The following FARSA variants were observed in gnomAD, a reference collection of about 807,000 sequenced individuals.
FARSA encodes phenylalanine--tRNA ligase alpha subunit.
In FARSA, 37 loss-of-function variants were observed where a neutral mutation model predicts 63.2. The ratio of observed to expected loss-of-function variants is 0.59; its 90% CI spans 0.45 to 0.77. FARSA has a LOEUF of 0.77. Ranked by LOEUF, FARSA falls within the 30% of genes least tolerant of loss-of-function variation. The pLI, the probability that FARSA is intolerant of heterozygous loss-of-function variation, is 0.00. For missense variants in FARSA, 618 were observed against 696.6 expected, an observed-to-expected ratio of 0.89 and a Z score of 1.27; for synonymous variants, 312 against 285.1, an observed-to-expected ratio of 1.09 and a Z score of -0.95.
rs779613429 is a variant in FARSA at position 12,922,893 on chromosome 19, G to C, written c.1389-7C>G. 1 of 1,614,018 alleles carries C rather than the reference G, an allele frequency of 6.2e-7. No homozygotes were observed. The highest frequency in any genetic ancestry group is 1.1e-5 in the South Asian group (1 of 91,072). On this transcript the variant is annotated splice_region_variant and splice_polypyrimidine_tract_variant and intron_variant, in intron 12 of 12. Coordinates refer to ENST00000314606, the MANE Select transcript of FARSA (RefSeq NM_004461.3). ...ATATTTGATCATCGTTGGGCTTGTG[G>C]GGGAGGGAACAGAGTTTATCATGAG...
At chr19:12,923,003 G>A in intron 12 of FARSA, 117 bp from the exon 13 acceptor site, 1 of 1,403,654 alleles carries the variant, frequency 7.1e-7, no homozygotes, top group Admixed American at 1.8e-5. Context: ...ATGACCCACA[G>A]GGCCCTGCGC....
intron 8 of FARSA, 27 bp from the exon 9 acceptor site, chr19:12,925,030 T>C (rs537279165): frequency 5.0e-6 from 8 of 1,613,102 alleles, no homozygotes; most frequent in Admixed American, 3.3e-5. Context: ...GGGAAGTCCA[T>C]GCAATGGCCC....
Position 12,924,919 on chromosome 19 carries a change from G to A in FARSA, c.1011C>T (p.Tyr337=), listed in dbSNP as rs771568804. 2.5e-6 allele frequency: 4 copies of A among 1,614,260 alleles called. No individual in the cohort carries two copies. Among genetic ancestry groups the A allele is most frequent in the Non-Finnish European group, 2.5e-6 (3 of 1,180,046 alleles). Residue 337 remains tyrosine (Y), a synonymous_variant, in exon 9 of 13, where the codon TAC becomes TAT. Coordinates refer to ENST00000314606, the MANE Select transcript of FARSA (RefSeq NM_004461.3). The surrounding 1 kb of genome is among the most constrained non-coding windows in gnomAD (Gnocchi z 6.4). ...CCAACCGCACCTTCTGGGCAAGGCG[G>A]TAGAGCGCACGGGCGCTGGCTGATG... is the stretch of plus-strand genomic sequence containing the variant. The part of the protein sequence containing the change: ...HTTSASARAL[Y]RLAQKKPFTP...
intron 7 of FARSA, among the ~76,000 whole-genome samples, chr19:12,925,555 G>A (rs146062578): frequency 0.044 from 6,626 of 151,464 alleles, 192 homozygotes; most frequent in Middle Eastern, 0.086. Context: ...ATGGGGTTTC[G>A]CCATGTTGGT....
chr19:12,932,034 A>AC lies in FARSA; in HGVS notation c.148-1286_148-1285insG, dbSNP rs1428349505. 1.7e-4 allele frequency among the ~76,000 whole-genome samples: 22 copies of AC among 129,896 alleles called. No individual in the cohort carries two copies. The South Asian group carries it at 3.6e-3, about 21-fold the overall frequency. 85.2% of individuals were successfully genotyped at this position (129,896 alleles called of 152,430 possible). A position where few individuals can be genotyped will look rare whatever the true frequency, so the allele number is the denominator to read the frequency against. On this transcript the variant is annotated intron_variant, in intron 1 of 12. Coordinates refer to ENST00000314606, the MANE Select transcript of FARSA (RefSeq NM_004461.3). ...GCCTACCACGTGACAAACACTGCAT[A>AC]AATTTTTTTTTTTTTTTTTTTTGAG...
At chr19:12,927,411 A>G (rs1971338797) in intron 7 of FARSA, among the ~76,000 whole-genome samples, 1 of 151,722 alleles carries the variant, frequency 6.6e-6, no homozygotes, top group African/African-American at 2.4e-5. Context: ...AGCCTGGGCA[A>G]CATAGTGAGA....
chr19:12,930,197 T>G, intron 4 of FARSA, 26 bp downstream of exon 4: 2 of 1,575,260 alleles, frequency 1.3e-6, no homozygotes, highest in Non-Finnish European at 1.7e-6. Flanking sequence ...GGTGGGGGCC[T>G]GAGCCTGCAG....
rs1971375978 is a variant in FARSA at position 12,930,299 on chromosome 19, C to G, written c.427G>C (p.Val143Leu). ...EDEVQRRLQL[V>L]RGGQAEKLGE... ...AGCTTCTCAGCCTGTCCCCCCCGGA[C>G]CAGCTGGAGCCGCCGCTGCACCTCA... Residue 143 changes from valine to leucine, a missense_variant, in exon 4 of 13, where the codon GTC becomes CTC. Val to Leu is a conservative substitution (Grantham distance 32). Transcript: ENST00000314606. The G allele has an allele frequency of 1.9e-6, 3 of 1,614,110 alleles. No individual in the cohort carries two copies. Among genetic ancestry groups the G allele is most frequent in the Non-Finnish European group, 2.5e-6 (3 of 1,179,994 alleles).
chr19:12,933,480 G>C, intron 1 of FARSA, 70 bp downstream of exon 1: 1 of 1,506,808 alleles, frequency 6.6e-7, no homozygotes, highest in Admixed American at 2.0e-5. Flanking sequence ...TGGCTTGGAC[G>C]TAGAGCGCCC....
intron 12 of FARSA, among the ~76,000 whole-genome samples, chr19:12,923,433 C>T (rs1237896902): frequency 6.6e-6 from 1 of 152,056 alleles, no homozygotes; most frequent in African/African-American, 2.4e-5. Context: ...GTACCTAGGA[C>T]TAGGACTACA....
Position 12,933,583 on chromosome 19 carries a change from C to G in FARSA, c.114G>C (p.Val38=), listed in dbSNP as rs1193202420. 1.3e-6 allele frequency: 2 copies of G among 1,549,744 alleles called. No homozygotes were observed. The highest frequency in any genetic ancestry group is 2.4e-5 in the East Asian group (1 of 41,542). The change falls in exon 1 of 13, where the codon GTG becomes GTC. Residue 38 remains valine, a synonymous_variant. Coordinates refer to ENST00000314606, the MANE Select transcript of FARSA (RefSeq NM_004461.3). ...GCGCCTGAAGGCTCTTCACGGCGCCCACCACCGCCTGGTGCTCCATGCCCA... is the reference window on the plus strand; with the variant it reads ...GCGCCTGAAGGCTCTTCACGGCGCCGACCACCGCCTGGTGCTCCATGCCCA... ...AELGMEHQAV[V]GAVKSLQALG...
chr19:12,929,535 A>C (rs563056716), intron 4 of FARSA, among the ~76,000 whole-genome samples: 2 of 151,994 alleles, frequency 1.3e-5, no homozygotes, highest in Non-Finnish European at 2.9e-5. Context: ...GGGTCTCTCT[A>C]TGTTGCCCAG....
intron 7 of FARSA, among the ~76,000 whole-genome samples, chr19:12,927,519 G>A (rs1971340127): frequency 6.6e-6 from 1 of 151,006 alleles, no homozygotes; most frequent in Non-Finnish European, 1.5e-5. Context: ...TATCACTTGA[G>A]GTCAGGAGTT....
intron 7 of FARSA, among the ~76,000 whole-genome samples, chr19:12,927,155 G>T (rs1027186944): frequency 6.6e-6 from 1 of 151,892 alleles, no homozygotes; most frequent in Non-Finnish European, 1.5e-5. Flanking sequence ...GGGTGAGCCC[G>T]GGAGTGTTAG....
In FARSA at chr19:12,928,526, T is replaced by C. The variant is rs755287013; in HGVS notation, c.725+9A>G. 21 of 1,614,072 alleles carry C rather than the reference T, an allele frequency of 1.3e-5. No homozygotes were observed. In the South Asian group the frequency reaches 1.8e-4, roughly 14 times the overall value. On this transcript the variant is annotated intron_variant, in intron 6 of 12. Coordinates refer to ENST00000314606, the MANE Select transcript of FARSA (RefSeq NM_004461.3). ...AAGCACCAGGCACCGCCCCCAGCCC[T>C]GTGCTCACCCCATCTCCAGGAAGAT...
Position 12,924,810 on chromosome 19 carries a change from AGGG to A in FARSA, c.1027-6_1027-4del. The A allele has an allele frequency of 6.2e-7, 1 of 1,610,214 alleles. No individual in the cohort carries two copies. Among genetic ancestry groups the A allele is most frequent in the Non-Finnish European group, 8.5e-7 (1 of 1,177,342 alleles). On this transcript the variant is annotated splice_polypyrimidine_tract_variant and splice_region_variant and intron_variant, in intron 9 of 12. Coordinates refer to ENST00000314606, the MANE Select transcript of FARSA (RefSeq NM_004461.3). This position sits in a 1 kb window ranked among gnomAD's most constrained non-coding sequence, Gnocchi z 6.4. The stretch of plus-strand genomic sequence containing the variant: ...TACTTGACCGGAGTGAAGGGCTTCT[AGGG>A]GTGACAACCGAGCCAGGCCCAGGTA...
chr19:12,933,470 T>TG, intron 1 of FARSA, 80 bp downstream of exon 1: 1 of 1,484,110 alleles, frequency 6.7e-7, no homozygotes, highest in Non-Finnish European at 9.0e-7. Flanking sequence ...TGAGGGAATT[T>TG]GGCTTGGACG....
rs941586004 is a variant in FARSA, at chr19:12,928,417, A to G, written c.766T>C (p.Phe256Leu). ...TGGAAGAGGGCGTCAAAGTTCCAGAAGGAGCTCTCAATGAAGTTATCAGTC... is the reference window on the plus strand; with the variant it reads ...TGGAAGAGGGCGTCAAAGTTCCAGAGGGAGCTCTCAATGAAGTTATCAGTC... ...MPTDNFIESS[F>L]WNFDALFQPQ... Residue 256 changes from phenylalanine to leucine, a missense_variant, in exon 7 of 13, where the codon TTC becomes CTC. Coordinates refer to ENST00000314606, the MANE Select transcript of FARSA (RefSeq NM_004461.3). The G allele has an allele frequency of 6.8e-6, 11 of 1,613,824 alleles. No individual in the cohort carries two copies. Among genetic ancestry groups the G allele is most frequent in the Non-Finnish European group, 9.3e-6 (11 of 1,180,004 alleles).
At chr19:12,929,047 T>A (rs184116220) in intron 4 of FARSA, among the ~76,000 whole-genome samples, 200 bp from the exon 5 acceptor site, 1 of 152,296 alleles carries the variant, frequency 6.6e-6, no homozygotes, top group Admixed American at 6.5e-5. Flanking sequence ...ATTCAACACT[T>A]ACTGAGAACC....
Sources: gnomAD v4.1 joint callset for allele counts (sites outside exome capture counted in the v4.1 genomes callset) on GRCh38, gnomAD v4.1.1 for gene constraint, Gnocchi (gnomAD v3.1) non-coding constraint, MANE v1.5 for transcripts, NCBI Gene and HGNC (gene_info 2026-07-23, HGNC 2026-07-21) for gene names.